FGF13: variants seen among roughly 807,000 people sequenced by gnomAD.
FGF13 encodes fibroblast growth factor 13, also known as fibroblast growth factor homologous factor 2.
A neutral mutation model predicts 19.5 loss-of-function variants in FGF13; 2 were observed. The ratio of observed to expected loss-of-function variants is 0.10; its 90% CI spans 0.04 to 0.32. The LOEUF (loss-of-function observed/expected upper bound fraction) is 0.32. Among genes scored for constraint, FGF13 ranks in the 10% least tolerant of loss-of-function variants. The pLI, the probability that FGF13 is intolerant of heterozygous loss-of-function variation, is 1.00. For synonymous variants in FGF13, 72 were observed against 76.9 expected, an observed-to-expected ratio of 0.94 and a Z score of 0.33; for missense variants, 113 against 192.7, an observed-to-expected ratio of 0.59 and a Z score of 2.45.
chrX:138,994,963 C>T (rs2092034831), intron 1 of FGF13, among the ~76,000 whole-genome samples: 1 of 93,839 alleles, frequency 1.1e-5, no homozygotes, highest in Non-Finnish European at 2.1e-5. Flanking sequence ...CTCAAGGACA[C>T]CAATTCAACA....
intron 1 of FGF13, among the ~76,000 whole-genome samples, chrX:139,025,988 C>T (rs2092199269): frequency 9.0e-6 from 1 of 111,010 alleles, no homozygotes; most frequent in Admixed American, 9.6e-5. Context: ...GTTCTATTTG[C>T]ACCTCTCTGA....
intron 1 of FGF13, among the ~76,000 whole-genome samples, chrX:138,877,136 C>T (rs991680445): frequency 9.1e-6 from 1 of 109,860 alleles, no homozygotes; most frequent in Non-Finnish European, 1.9e-5. Context: ...GGGTGAGGGA[C>T]GGGAACTTAG....
chrX:139,121,969 G>T lies in FGF13; in HGVS notation c.-113+81447C>A, dbSNP rs1002475115. Among the ~76,000 whole-genome samples, 29 of 111,198 alleles carry T rather than the reference G, an allele frequency of 2.6e-4. No homozygotes were observed. The Admixed American group carries it at 2.8e-3, about 11-fold the overall frequency. On this transcript the variant is annotated intron_variant, in intron 1 of 2. Coordinates refer to the FGF13 transcript ENST00000421460. The stretch of plus-strand genomic sequence containing the variant: ...AGTTTGAATAATTTTGTGGACTCTG[G>T]GGTAAAAAGTCTGTCCCTAGTTATC...
intron 1 of FGF13, among the ~76,000 whole-genome samples, chrX:138,967,369 C>G (rs2091899258): frequency 9.0e-6 from 1 of 111,270 alleles, no homozygotes; most frequent in Admixed American, 9.6e-5. Context: ...TACAAAAAAT[C>G]ATTGCACACT....
intron 1 of FGF13, among the ~76,000 whole-genome samples, chrX:138,958,613 T>C (rs1395123431): frequency 2.7e-5 from 3 of 112,115 alleles, no homozygotes; most frequent in Non-Finnish European, 5.6e-5. Flanking sequence ...CTCCTCCATG[T>C]ACCTCTGGTA....
intron 1 of FGF13, among the ~76,000 whole-genome samples, chrX:139,184,651 TAC>T (rs762710461): frequency 2.7e-5 from 3 of 110,285 alleles, no homozygotes. Flanking sequence ...CATACACACA[TAC>T]ACACACACAC....
chrX:138,976,707 AT>A (rs2091941309), intron 1 of FGF13, among the ~76,000 whole-genome samples: 1 of 85,746 alleles, frequency 1.2e-5, no homozygotes, highest in East Asian at 3.8e-4. Flanking sequence ...AAATAGAGAA[AT>A]TTTAAAATAT....
At chrX:138,666,212 T>G (rs1028051882) in intron 3 of FGF13, among the ~76,000 whole-genome samples, 1 of 111,391 alleles carries the variant, frequency 9.0e-6, no homozygotes, top group Non-Finnish European at 1.9e-5. Context: ...AAAGTCTGAG[T>G]TGCTATATTA....
chrX:139,062,515 T>A (rs898113849), intron 1 of FGF13, among the ~76,000 whole-genome samples: 8 of 111,909 alleles, frequency 7.1e-5, no homozygotes, highest in Non-Finnish European at 1.5e-4. Flanking sequence ...TGCTCAAAAT[T>A]TCTTTGGCTA....
intron 1 of FGF13, among the ~76,000 whole-genome samples, chrX:138,961,421 C>T (rs778460224): frequency 3.5e-4 from 39 of 111,119 alleles, no homozygotes; most frequent in South Asian, 2.7e-3. Context: ...TGGGAGGTGT[C>T]TCTCAGTTAG....
intron 1 of FGF13, among the ~76,000 whole-genome samples, chrX:138,905,769 A>G (rs936943898): frequency 8.9e-6 from 1 of 112,182 alleles, no homozygotes; most frequent in African/African-American, 3.2e-5. Context: ...CAGTGGGAGA[A>G]AGTCCACATT....
At chrX:138,881,366 C>T (rs931314465) in intron 1 of FGF13, among the ~76,000 whole-genome samples, 6 of 110,477 alleles carry the variant, frequency 5.4e-5, no homozygotes, top group African/African-American at 2.0e-4. Flanking sequence ...ATGTCACATG[C>T]AAAAAAAACA....
intron 1 of FGF13, among the ~76,000 whole-genome samples, chrX:138,997,604 G>C (rs1331893037): frequency 9.0e-6 from 1 of 111,484 alleles, no homozygotes; most frequent in Non-Finnish European, 1.9e-5. Context: ...TCAAATGAAT[G>C]AAATAAAGCG....
intron 1 of FGF13, among the ~76,000 whole-genome samples, chrX:139,050,174 T>A (rs1041928065): frequency 3.6e-5 from 4 of 111,071 alleles, no homozygotes; most frequent in African/African-American, 1.3e-4. Flanking sequence ...TGTGATACAA[T>A]GAGATGAGGT....
intron 1 of FGF13, among the ~76,000 whole-genome samples, chrX:139,164,340 A>G (rs1732894162): frequency 9.0e-6 from 1 of 110,788 alleles, no homozygotes; most frequent in Non-Finnish European, 1.9e-5. Flanking sequence ...GGCCATGTAC[A>G]TTATGGAGAT....
rs765628729 is a variant in FGF13, at chrX:139,006,581, A to G, written c.-112-141931T>C. Among the ~76,000 whole-genome samples the G allele has an allele frequency of 8.6e-5, 6 of 69,444 alleles. No homozygotes were observed. In the South Asian group the frequency reaches 4.8e-3, roughly 55 times the overall value. The allele number at this position is 69,444 out of a possible 115,157, so 60.3% of individuals were successfully genotyped here. A position where few individuals can be genotyped will look rare whatever the true frequency, so the allele number is the denominator to read the frequency against. ...GGTGTGTAAACTAATTTTATACTAA[A>G]TAGAAAAATTAAATGATGAATCAAT... On this transcript the variant is annotated intron_variant, in intron 1 of 2. Transcript: ENST00000421460.
At chrX:138,897,067 T>A (rs2091507967) in intron 1 of FGF13, among the ~76,000 whole-genome samples, 1 of 111,555 alleles carries the variant, frequency 9.0e-6, no homozygotes, top group African/African-American at 3.3e-5. Flanking sequence ...TGGGGTGCAG[T>A]GGTATGATCT....
chrX:138,995,346 C>T (rs1408820003), intron 1 of FGF13, among the ~76,000 whole-genome samples: 2 of 110,769 alleles, frequency 1.8e-5, no homozygotes, highest in Non-Finnish European at 3.8e-5. Flanking sequence ...TTTAGGAGTA[C>T]ACGTGAAGGT....
intron 1 of FGF13, among the ~76,000 whole-genome samples, chrX:139,186,908 G>T (rs1337689078): frequency 1.8e-5 from 2 of 111,945 alleles, no homozygotes. Context: ...GTCCTTCAAG[G>T]CTGTGTTAGC....
Sources: gnomAD v4.1 joint callset for allele counts (sites outside exome capture counted in the v4.1 genomes callset) on GRCh38, gnomAD v4.1.1 for gene constraint, MANE v1.5 for transcripts, NCBI Gene and HGNC (gene_info 2026-07-23, HGNC 2026-07-21) for gene names.